Variants in TMEM245 observed in about 807,000 individuals in gnomAD.
The protein encoded by TMEM245 is transmembrane protein 245.
A neutral mutation model predicts 101.2 loss-of-function variants in TMEM245; 69 were observed. The ratio of observed to expected loss-of-function variants is 0.68; its 90% CI spans 0.56 to 0.83. The LOEUF is 0.83. TMEM245 is among the 40% of genes least tolerant of loss of function. TMEM245 has a pLI of 0.00. For missense variants in TMEM245, 1,075 were observed against 1,092.8 expected (o/e 0.98, Z 0.23); for synonymous variants, 537 against 449.8 (o/e 1.19, Z -2.45).
chr9:109,022,463 T>C (rs547563319), intron 17 of TMEM245, among the ~76,000 whole-genome samples: 1 of 98,732 alleles, frequency 1.0e-5, no homozygotes, highest in African/African-American at 3.6e-5. Context: ...TATGTTTATA[T>C]GCATTATCTA....
chr9:109,028,482 C>A (rs1313320322), intron 17 of TMEM245, among the ~76,000 whole-genome samples: 1 of 151,538 alleles, frequency 6.6e-6, no homozygotes, highest in Non-Finnish European at 1.5e-5. Flanking sequence ...CCAAAATGCT[C>A]CAACGAACAC....
At chr9:109,106,228 A>G (rs2132637375) in intron 3 of TMEM245, among the ~76,000 whole-genome samples, 1 of 152,008 alleles carries the variant, frequency 6.6e-6, no homozygotes, top group East Asian at 1.9e-4. Context: ...TGTCACTAAA[A>G]AATAAAATAA....
At chr9:109,058,509 A>C (rs1417585365) in intron 11 of TMEM245, among the ~76,000 whole-genome samples, 1 of 152,076 alleles carries the variant, frequency 6.6e-6, no homozygotes, top group Non-Finnish European at 1.5e-5. Flanking sequence ...AGGCGAGAGG[A>C]TCACTTGAGC....
chr9:109,098,192 G>T (rs1380823576), intron 3 of TMEM245, among the ~76,000 whole-genome samples: 1 of 152,164 alleles, frequency 6.6e-6, no homozygotes, highest in East Asian at 1.9e-4. Context: ...TGAAAGATTC[G>T]AGAAAAAGCT....
chr9:109,063,454 A>G (rs546002835), intron 10 of TMEM245, among the ~76,000 whole-genome samples: 193 of 152,286 alleles, frequency 1.3e-3, no homozygotes, highest in Non-Finnish European at 2.4e-3. Context: ...CGTATCTTCC[A>G]TTATATTATT....
intron 17 of TMEM245, among the ~76,000 whole-genome samples, chr9:109,023,798 T>C (rs375231427): frequency 6.8e-6 from 1 of 146,932 alleles, no homozygotes; most frequent in Admixed American, 7.0e-5. Flanking sequence ...ATCGCGCCAC[T>C]GCACTCCAGC....
In TMEM245 at chr9:109,060,381, G is replaced by C; in HGVS notation, c.1695C>G (p.Asp565Glu). Residue 565 changes from aspartate to glutamate, a missense_variant, in exon 11 of 18, where the codon GAC becomes GAG. Transcript: ENST00000374586. ...TTACAAACCAAGAGTGATACAGTCT[G>C]TCCCAAAGTTCTAGTACTTGCTTTT... ...VIEKQVLELW[D>E]RLYHSWFVKN... 3.1e-6 allele frequency: 5 copies of C among 1,613,448 alleles called. No homozygotes were observed. The highest frequency in any genetic ancestry group is 4.2e-6 in the Non-Finnish European group (5 of 1,179,646).
rs187514030 is a variant in TMEM245 at position 109,058,086 on chromosome 9, C to T, written c.1723-764G>A. On this transcript the variant is annotated intron_variant, in intron 11 of 17. Transcript: ENST00000374586. Reference sequence around the variant, plus strand: ...TGCGATTTCGGCTCACTGCAAACTCCGCCTCCCAGGTTCATGCCATTCTCC... The same window carrying T: ...TGCGATTTCGGCTCACTGCAAACTCTGCCTCCCAGGTTCATGCCATTCTCC... Among the ~76,000 whole-genome samples, 329 of 151,102 alleles carry T rather than the reference C, an allele frequency of 2.2e-3. 2 individuals are homozygous for T. Among genetic ancestry groups the T allele is most frequent in the African/African-American group, 7.2e-3 (296 of 41,166 alleles).
At chr9:109,033,022 C>A (rs950169406) in intron 17 of TMEM245, among the ~76,000 whole-genome samples, 16 of 152,156 alleles carry the variant, frequency 1.1e-4, no homozygotes, top group Non-Finnish European at 2.1e-4. Context: ...TGGGCTCGAA[C>A]TCCTGACCTC....
At chr9:109,033,105 T>C (rs890909531) in intron 17 of TMEM245, among the ~76,000 whole-genome samples, 6 of 152,172 alleles carry the variant, frequency 3.9e-5, no homozygotes, top group Middle Eastern at 3.2e-3. Context: ...GGCCCCAATA[T>C]AGGTTTTAAA....
intron 14 of TMEM245, among the ~76,000 whole-genome samples, chr9:109,041,447 C>T (rs1828301997): frequency 1.4e-5 from 2 of 144,628 alleles, no homozygotes; most frequent in Non-Finnish European, 3.0e-5. Flanking sequence ...GGTTGCCATC[C>T]TACAAATTTT....
intron 7 of TMEM245, among the ~76,000 whole-genome samples, chr9:109,082,604 A>T (rs1588059709): frequency 6.6e-6 from 1 of 152,154 alleles, no homozygotes; most frequent in East Asian, 1.9e-4. Context: ...TTAAGACTGT[A>T]TTTGTATCCA....
In TMEM245 at chr9:109,086,010, C is replaced by G; in HGVS notation, c.1331G>C (p.Trp444Ser). 6.2e-7 allele frequency: 1 copy of G among 1,613,872 alleles called. No homozygotes were observed. Among genetic ancestry groups the G allele is most frequent in the Admixed American group, 1.7e-5 (1 of 60,008 alleles). Residue 444 changes from tryptophan (W) to serine (S), a missense_variant, in exon 7 of 18, where the codon TGG (tryptophan) becomes TCG (serine). By Grantham distance (177) the Trp-to-Ser change is radical. This residue lies in a region of TMEM245 where 808 missense variants were observed against 741.5 expected (regional missense o/e 1.09). Transcript: ENST00000374586. ...GTGTTCATTTACCTTCTTATTTAGC[C>G]AGTGCCAGAGCTTGAGGATAGGGGG... is the stretch of plus-strand genomic sequence containing the variant. ...LLKVDSKLWH[W>S]LNKKMIIWLE...
chr9:109,117,142 G>A (rs1830745422), intron 1 of TMEM245, among the ~76,000 whole-genome samples: 1 of 151,408 alleles, frequency 6.6e-6, no homozygotes, highest in Non-Finnish European at 1.5e-5. Context: ...GGAATTTCAC[G>A]CTTGTCACCC....
At chr9:109,118,386 T>C (rs761962980) in intron 1 of TMEM245, among the ~76,000 whole-genome samples, 1 of 152,216 alleles carries the variant, frequency 6.6e-6, no homozygotes, top group Non-Finnish European at 1.5e-5. Flanking sequence ...GTGAATCAAT[T>C]TGTAAATGGT....
intron 7 of TMEM245, 44 bp from the exon 8 acceptor site, chr9:109,080,987 A>C: frequency 7.7e-7 from 1 of 1,297,440 alleles, no homozygotes; most frequent in Non-Finnish European, 1.1e-6. Context: ...TTAAAGTAGA[A>C]CTTTAAAAAT....
intron 17 of TMEM245, among the ~76,000 whole-genome samples, chr9:109,028,941 C>A (rs1241646602): frequency 6.6e-6 from 1 of 152,156 alleles, no homozygotes; most frequent in Non-Finnish European, 1.5e-5. Flanking sequence ...CCAAGTTTTG[C>A]CTGAACTCCC....
chr9:109,026,587 A>T (rs1385393171), intron 17 of TMEM245, among the ~76,000 whole-genome samples: 2 of 151,626 alleles, frequency 1.3e-5, no homozygotes, highest in East Asian at 3.9e-4. Flanking sequence ...AAGAAAAAAA[A>T]AAGAACTAAG....
At chr9:109,108,248 G>C (rs1054444430) in intron 2 of TMEM245, among the ~76,000 whole-genome samples, 3 of 151,624 alleles carry the variant, frequency 2.0e-5, no homozygotes, top group Admixed American at 2.0e-4. Context: ...AGGACCTTTT[G>C]GAAAATGAAC....
Sources: allele counts gnomAD v4.1 joint callset (sites outside exome capture counted in the v4.1 genomes callset), GRCh38; gene constraint gnomAD v4.1.1; regional missense constraint gnomAD v4.1.1; transcripts MANE v1.5; gene names NCBI Gene and HGNC (gene_info 2026-07-23, HGNC 2026-07-21).